Variants in CDKAL1 observed in about 807,000 individuals in gnomAD.
The protein encoded by CDKAL1 is threonylcarbamoyladenosine tRNA methylthiotransferase.
A neutral mutation model predicts 68.2 loss-of-function variants in CDKAL1; 32 were observed. That is an observed-to-expected ratio of 0.47 (90% CI 0.35 to 0.63). The LOEUF is 0.63. Ranked by LOEUF, CDKAL1 falls within the 30% of genes least tolerant of loss-of-function variation. CDKAL1 has a pLI of 0.00. For missense variants in CDKAL1, 606 were observed against 696.7 expected (o/e 0.87, Z 1.47); for synonymous variants, 234 against 244.3 (o/e 0.96, Z 0.39).
chr6:20,744,915 A>T (rs1773600699), intron 6 of CDKAL1, among the ~76,000 whole-genome samples: 1 of 152,236 alleles, frequency 6.6e-6, no homozygotes, highest in Admixed American at 6.5e-5. Context: ...AACTAATTAT[A>T]GCTCTAGAAA....
chr6:20,688,767 G>A (rs529740869), intron 5 of CDKAL1, among the ~76,000 whole-genome samples: 2 of 152,246 alleles, frequency 1.3e-5, no homozygotes, highest in East Asian at 3.9e-4. Flanking sequence ...GATTCTTGCT[G>A]TCTCTTCAAA....
intron 15 of CDKAL1, among the ~76,000 whole-genome samples, chr6:21,225,764 A>T (rs1242963622): frequency 1.3e-5 from 2 of 152,218 alleles, no homozygotes; most frequent in Non-Finnish European, 2.9e-5. Context: ...TACATAAGGA[A>T]CAAAAATAGC....
chr6:21,206,188 G>C (rs1435655899), intron 15 of CDKAL1, among the ~76,000 whole-genome samples: 2 of 152,026 alleles, frequency 1.3e-5, no homozygotes, highest in Non-Finnish European at 2.9e-5. Flanking sequence ...TTAATTGCAG[G>C]AGTCTTATTC....
chr6:20,944,634 T>C (rs1054623545), intron 9 of CDKAL1, among the ~76,000 whole-genome samples: 2 of 152,250 alleles, frequency 1.3e-5, no homozygotes, highest in Admixed American at 1.3e-4. Context: ...CATGGGCCAC[T>C]GTGCCTGGCC....
chr6:20,797,971 C>T (rs1426645680), intron 8 of CDKAL1, among the ~76,000 whole-genome samples: 1 of 151,588 alleles, frequency 6.6e-6, no homozygotes, highest in Non-Finnish European at 1.5e-5. Flanking sequence ...CATGTGCTAC[C>T]ATGCCTGGCT....
chr6:20,999,663 T>TAAAAAAAAAAAAAAAAAAAAAAAAAAAA (rs36078234), intron 10 of CDKAL1, among the ~76,000 whole-genome samples: 1 of 93,402 alleles, frequency 1.1e-5, no homozygotes, highest in Non-Finnish European at 2.0e-5. Context: ...TGACTGAAAT[T>TAAAAAAAAAAAAAAAAAAAAAAAAAAAA]AAAAAAAAAA....
chr6:20,974,382 T>C (rs1001653521), intron 10 of CDKAL1, among the ~76,000 whole-genome samples: 1 of 152,178 alleles, frequency 6.6e-6, no homozygotes, highest in Non-Finnish European at 1.5e-5. Context: ...AGTTAAAATT[T>C]GGGAATTTTA....
intron 6 of CDKAL1, among the ~76,000 whole-genome samples, chr6:20,748,553 T>TG (rs1349261716): frequency 5.0e-4 from 6 of 11,904 alleles, no homozygotes; most frequent in African/African-American, 1.7e-3. Context: ...ACTCTGTTTC[T>TG]GGAAAAAAAA....
chr6:21,075,185 A>T (rs1291706381), intron 12 of CDKAL1, among the ~76,000 whole-genome samples: 1 of 152,170 alleles, frequency 6.6e-6, no homozygotes, highest in Non-Finnish European at 1.5e-5. Flanking sequence ...CTTAGTGAAG[A>T]TATACTATTT....
intron 9 of CDKAL1, among the ~76,000 whole-genome samples, chr6:20,862,012 C>T (rs1177228587): frequency 6.6e-6 from 1 of 152,132 alleles, no homozygotes; most frequent in Non-Finnish European, 1.5e-5. Flanking sequence ...GTTATGCAGC[C>T]AGACATATTT....
chr6:20,753,202 C>G (rs369304754), intron 6 of CDKAL1, among the ~76,000 whole-genome samples: 115 of 152,314 alleles, frequency 7.6e-4, no homozygotes, highest in African/African-American at 2.7e-3. Flanking sequence ...AAGACAATCA[C>G]TAACTGACAT....
At chr6:20,883,543 A>C (rs996707662) in intron 9 of CDKAL1, among the ~76,000 whole-genome samples, 1 of 152,212 alleles carries the variant, frequency 6.6e-6, no homozygotes, top group Non-Finnish European at 1.5e-5. Flanking sequence ...CGAATGTTTC[A>C]TTTATTTAAT....
At chr6:21,138,272 G>A (rs1241312874) in intron 13 of CDKAL1, among the ~76,000 whole-genome samples, 1 of 151,978 alleles carries the variant, frequency 6.6e-6, no homozygotes, top group Non-Finnish European at 1.5e-5. Context: ...GTATGTGTGT[G>A]GGGGGAACTA....
At chr6:20,998,298 A>G (rs1169071219) in intron 10 of CDKAL1, among the ~76,000 whole-genome samples, 3 of 152,118 alleles carry the variant, frequency 2.0e-5, no homozygotes, top group African/African-American at 7.2e-5. Flanking sequence ...CCCAGCTCCA[A>G]GTGTGCAGTA....
At chr6:20,653,005 T>C (rs927625955) in intron 5 of CDKAL1, among the ~76,000 whole-genome samples, 4 of 152,254 alleles carry the variant, frequency 2.6e-5, no homozygotes, top group Non-Finnish European at 4.4e-5. Context: ...GTTGAACTTA[T>C]ACTGTTTGTG....
intron 9 of CDKAL1, among the ~76,000 whole-genome samples, chr6:20,855,978 T>C (rs1759313355): frequency 6.6e-6 from 1 of 152,242 alleles, no homozygotes. Flanking sequence ...ATCAAGATCC[T>C]GAGGTGCCCA....
intron 10 of CDKAL1, among the ~76,000 whole-genome samples, chr6:20,998,579 C>T (rs1294016489): frequency 1.3e-5 from 2 of 151,564 alleles, no homozygotes; most frequent in South Asian, 4.2e-4. Context: ...CCAGTGCACT[C>T]CAGCCTGGGT....
intron 13 of CDKAL1, among the ~76,000 whole-genome samples, chr6:21,185,311 G>T (rs1390008683): frequency 1.3e-5 from 2 of 151,382 alleles, no homozygotes; most frequent in African/African-American, 4.9e-5. Context: ...AAAATTGTTT[G>T]GACTAAATAA....
chr6:20,851,736 G>C (rs914396091), intron 9 of CDKAL1, among the ~76,000 whole-genome samples: 3 of 151,308 alleles, frequency 2.0e-5, no homozygotes, highest in African/African-American at 7.3e-5. Context: ...AATGGATTCT[G>C]TATTTCAAGA....
Sources: gnomAD v4.1 joint callset for allele counts (sites outside exome capture counted in the v4.1 genomes callset) on GRCh38, gnomAD v4.1.1 for gene constraint, MANE v1.5 for transcripts, NCBI Gene and HGNC (gene_info 2026-07-23, HGNC 2026-07-21) for gene names.